Variants in RBFOX1 observed in about 807,000 individuals in gnomAD.
The protein encoded by RBFOX1 is RNA binding protein fox-1 homolog 1.
Under a neutral mutation model 57.7 loss-of-function variants are expected in RBFOX1, and 8 were observed. The observed-to-expected ratio is 0.14, with a 90% CI of 0.08 to 0.25. The LOEUF (loss-of-function observed/expected upper bound fraction) is 0.25. Ranked by LOEUF, RBFOX1 falls within the 10% of genes least tolerant of loss-of-function variation. The pLI is 1.00. For synonymous variants in RBFOX1, 326 were observed against 222.4 expected, an observed-to-expected ratio of 1.47 and a Z score of -4.15; for missense variants, 611 against 548.5, an observed-to-expected ratio of 1.11 and a Z score of -1.14.
chr16:7,041,082 A>ATTTTTTTTTTTTTTTTTTT (rs61569211), intron 3 of RBFOX1, among the ~76,000 whole-genome samples: 4 of 109,306 alleles, frequency 3.7e-5, no homozygotes, highest in Non-Finnish European at 5.5e-5. Context: ...CGCCCAGCTA[A>ATTTTTTTTTTTTTTTTTTT]TTTTTTTTTT....
chr16:6,138,859 T>C (rs1331887017), intron 1 of RBFOX1, among the ~76,000 whole-genome samples: 1 of 152,110 alleles, frequency 6.6e-6, no homozygotes, highest in Admixed American at 6.5e-5. Context: ...AGAGTGAGGC[T>C]CCGTCTCAAA....
Position 7,431,961 on chromosome 16 carries a change from C to T in RBFOX1, c.28-86186C>T, listed in dbSNP as rs373459582. 1.4e-4 allele frequency among the ~76,000 whole-genome samples: 22 copies of T among 152,344 alleles called. No homozygotes were observed. The East Asian group carries it at 2.7e-3, about 19-fold the overall frequency. The stretch of plus-strand genomic sequence containing the variant: ...GATGATTTTCTCTGAGGCCTCATTA[C>T]GGGATGCCAAGCATTCCCACCAGTG... On this transcript the variant is annotated intron_variant, in intron 4 of 15. Coordinates refer to ENST00000550418, the MANE Select transcript of RBFOX1 (RefSeq NM_018723.4).
chr16:5,443,923 G>T (rs547821140), intron 1 of RBFOX1, among the ~76,000 whole-genome samples: 3 of 152,212 alleles, frequency 2.0e-5, no homozygotes, highest in East Asian at 1.9e-4. Context: ...TTTCCACCTT[G>T]AGGAGCTAAG....
chr16:6,986,678 C>T (rs2090359293), intron 3 of RBFOX1, among the ~76,000 whole-genome samples: 1 of 152,084 alleles, frequency 6.6e-6, no homozygotes, highest in Non-Finnish European at 1.5e-5. Flanking sequence ...CCTCTCCCTC[C>T]CCTTCTCTCT....
At chr16:5,673,810 G>T (rs2050086235) in intron 3 of RBFOX1, among the ~76,000 whole-genome samples, 1 of 152,204 alleles carries the variant, frequency 6.6e-6, no homozygotes, top group African/African-American at 2.4e-5. Context: ...TGTAGGCCTT[G>T]TGGCTCTTTC....
At chr16:6,744,659 A>G (rs1603500913) in intron 3 of RBFOX1, among the ~76,000 whole-genome samples, 1 of 152,128 alleles carries the variant, frequency 6.6e-6, no homozygotes. Context: ...AAATATACAT[A>G]AGACATATCA....
chr16:6,835,266 G>A (rs981693651), intron 3 of RBFOX1, among the ~76,000 whole-genome samples: 1 of 152,110 alleles, frequency 6.6e-6, no homozygotes. Flanking sequence ...CACAAACACA[G>A]CTGCTATGCG....
At chr16:7,533,191 G>T (rs1249934368) in intron 5 of RBFOX1, among the ~76,000 whole-genome samples, 1 of 152,122 alleles carries the variant, frequency 6.6e-6, no homozygotes, top group Non-Finnish European at 1.5e-5. Context: ...CAGGTCGTCT[G>T]GGTTGTTTTT....
intron 3 of RBFOX1, among the ~76,000 whole-genome samples, chr16:5,655,032 G>A (rs2049379493): frequency 1.3e-5 from 2 of 152,110 alleles, no homozygotes; most frequent in Non-Finnish European, 2.9e-5. Context: ...TCCTACCCAG[G>A]AGTCCTAGTG....
At position 5,770,246 on chromosome 16, in the gene RBFOX1, T is replaced by G. The variant is rs535730645; in HGVS notation, c.319-97057T>G. Among the ~76,000 whole-genome samples the G allele has an allele frequency of 1.6e-3, 238 of 152,258 alleles. 1 individual carries two copies. The highest frequency in any genetic ancestry group is 5.4e-3 in the African/African-American group (225 of 41,556). ...CACAACCCCGCTGATAAAAATAGAA[T>G]GCAATAATGAAACTGGCCAAAACCA... On this transcript the variant is annotated intron_variant, in intron 3 of 19. Transcript: ENST00000641259.
At chr16:6,144,710 G>T (rs2096744475) in intron 1 of RBFOX1, among the ~76,000 whole-genome samples, 1 of 152,206 alleles carries the variant, frequency 6.6e-6, no homozygotes, top group Non-Finnish European at 1.5e-5. Flanking sequence ...GGGCCAGATA[G>T]GTGTCTTTGT....
chr16:6,909,451 C>A (rs2070979236), intron 3 of RBFOX1, among the ~76,000 whole-genome samples: 1 of 152,222 alleles, frequency 6.6e-6, no homozygotes, highest in African/African-American at 2.4e-5. Context: ...CGTATTCACA[C>A]CTTTCAGAGA....
At chr16:6,237,360 G>T (rs1405456083) in intron 1 of RBFOX1, among the ~76,000 whole-genome samples, 3 of 152,140 alleles carry the variant, frequency 2.0e-5, no homozygotes, top group Non-Finnish European at 4.4e-5. Flanking sequence ...ATCCTTATAT[G>T]GCCAGGTCTG....
chr16:5,684,416 G>C (rs1171777043), intron 3 of RBFOX1, among the ~76,000 whole-genome samples: 1 of 152,168 alleles, frequency 6.6e-6, no homozygotes, highest in Admixed American at 6.5e-5. Flanking sequence ...TGGGACAAAT[G>C]AGTGACGCCA....
chr16:7,337,074 A>G (rs1381111911), intron 4 of RBFOX1, among the ~76,000 whole-genome samples: 2 of 152,176 alleles, frequency 1.3e-5, no homozygotes, highest in South Asian at 2.1e-4. Flanking sequence ...AACGGGTCTT[A>G]GGTAAGAAAT....
At chr16:5,544,804 A>G (rs2045115336) in intron 2 of RBFOX1, among the ~76,000 whole-genome samples, 1 of 152,190 alleles carries the variant, frequency 6.6e-6, no homozygotes, top group Non-Finnish European at 1.5e-5. Context: ...TGAGATAGAT[A>G]AATTCCTTGG....
chr16:6,117,680 C>T (rs2096511346), intron 1 of RBFOX1, among the ~76,000 whole-genome samples: 1 of 152,240 alleles, frequency 6.6e-6, no homozygotes, highest in Non-Finnish European at 1.5e-5. Flanking sequence ...CTTGAACTTC[C>T]CAGCCTCCAG....
chr16:7,161,242 C>G (rs948267469), intron 4 of RBFOX1, among the ~76,000 whole-genome samples: 1 of 152,068 alleles, frequency 6.6e-6, no homozygotes, highest in African/African-American at 2.4e-5. Context: ...AGAAAGAGTG[C>G]TATGATTGAT....
chr16:6,561,308 A>C (rs2097176229), intron 2 of RBFOX1, among the ~76,000 whole-genome samples: 1 of 152,208 alleles, frequency 6.6e-6, no homozygotes, highest in Non-Finnish European at 1.5e-5. Flanking sequence ...CCATGGTTTC[A>C]GAATTAATAT....
Sources: allele counts gnomAD v4.1 joint callset (sites outside exome capture counted in the v4.1 genomes callset), GRCh38; gene constraint gnomAD v4.1.1; transcripts MANE v1.5; gene names NCBI Gene and HGNC (gene_info 2026-07-23, HGNC 2026-07-21).